Variants in HCFC1 observed in about 807,000 individuals in gnomAD.
The protein encoded by HCFC1 is host cell factor C1.
In HCFC1, 7 loss-of-function variants were observed where a neutral mutation model predicts 105.5. That is an observed-to-expected ratio of 0.07 (90% confidence interval 0.04 to 0.12). The LOEUF is 0.12. Among genes scored for constraint, HCFC1 ranks in the 10% least tolerant of loss-of-function variants. The probability of loss-of-function intolerance (pLI) is 1.00; values close to 1 mark genes in which losing one functional copy is unlikely to be tolerated. For synonymous variants in HCFC1, 918 were observed against 828.1 expected (o/e 1.11, Z -1.86); for missense variants, 1,065 against 1,823.6 (o/e 0.58, Z 7.58).
Position 153,970,975 on chromosome X carries a change from T to C in HCFC1, c.-135A>G. The C allele has an allele frequency of 2.1e-6, 1 of 478,282 alleles. No homozygotes were observed. 39.4% of individuals were successfully genotyped at this position (478,282 alleles called of 1,213,427 possible). On this transcript the variant is annotated 5_prime_UTR_variant, in exon 1 of 26. The change abolishes an upstream ATG in the 5' untranslated region. Transcript: ENST00000310441. Reference sequence around the variant, plus strand: ...TCTCACACAGCGGTAGACGACTCCATGGAGGCCGCCATCTTAACTGCCCTC... The same window carrying C: ...TCTCACACAGCGGTAGACGACTCCACGGAGGCCGCCATCTTAACTGCCCTC...
At chrX:153,964,515 A>G in intron 2 of HCFC1, 63 bp downstream of exon 2, 1 of 1,112,492 alleles carries the variant, frequency 9.0e-7, no homozygotes, top group Non-Finnish European at 1.2e-6. Flanking sequence ...CTCAACCCTG[A>G]AGCCACTACC....
chrX:153,958,879 C>T lies in HCFC1; in HGVS notation c.1606-113G>A, dbSNP rs1434915821. The T allele has an allele frequency of 2.4e-5, 13 of 545,220 alleles. No homozygotes were observed. The East Asian group carries it at 3.7e-4, about 15-fold the overall frequency. 44.9% of individuals were successfully genotyped at this position (545,220 alleles called of 1,213,427 possible). A position where few individuals can be genotyped will look rare whatever the true frequency, so the allele number is the denominator to read the frequency against. ...TGCCCTGCTCTTGGGAGCCTCATCC[C>T]GCCAGCATGGCTCAGCTTTCTCTAC... On this transcript the variant is annotated intron_variant, in intron 9 of 25. Coordinates refer to ENST00000310441, the MANE Select transcript of HCFC1 (RefSeq NM_005334.3).
intron 4 of HCFC1, 117 bp from the exon 5 acceptor site, chrX:153,962,423 G>T: frequency 1.9e-6 from 1 of 519,351 alleles, no homozygotes; most frequent in Non-Finnish European, 3.3e-6. Context: ...TCCATCCCTG[G>T]CTTCCCTATA....
At chrX:153,949,807 C>G (rs917423443) in intron 24 of HCFC1, among the ~76,000 whole-genome samples, 191 bp from the exon 25 acceptor site, 1 of 112,016 alleles carries the variant, frequency 8.9e-6, no homozygotes, top group South Asian at 3.7e-4. Flanking sequence ...ACACCACTCA[C>G]TCCCCTCTGG....
In HCFC1 at chrX:153,963,627, G is replaced by T. The variant is rs782010205; in HGVS notation, c.504-194C>A. ...TAGGATGAGTCCAACTGGAACAGGG[G>T]ACACAGGGTGGGTGAGGCTGCACAG... On this transcript the variant is annotated intron_variant, in intron 3 of 25. Transcript: ENST00000310441. Among the ~76,000 whole-genome samples the T allele has an allele frequency of 1.3e-4, 15 of 112,259 alleles. No homozygotes were observed. The South Asian group carries it at 5.1e-3, about 39-fold the overall frequency.
chrX:153,969,925 G>A (rs2065509890), intron 1 of HCFC1: 1 of 113,174 alleles, frequency 8.8e-6, no homozygotes, highest in Non-Finnish European at 1.9e-5. Flanking sequence ...GACTTGGAAA[G>A]AAATGCTGCA....
In HCFC1 at chrX:153,970,633, G is replaced by A. The variant is rs782440750; in HGVS notation, c.193+15C>T. 18 of 1,175,419 alleles carry A rather than the reference G, an allele frequency of 1.5e-5. 1 individual carries two copies. The East Asian group carries it at 2.8e-4, about 18-fold the overall frequency. On this transcript the variant is annotated intron_variant, in intron 1 of 25. Transcript: ENST00000310441. ...GGAGGGAAAGAGCCGAAGACCCAGC[G>A]GGCTTTGCACTCACCCGTGTTGTAC... is the stretch of plus-strand genomic sequence containing the variant.
rs369626014 is a variant in HCFC1 at position 153,950,399 on chromosome X, G to T, written c.5848C>A (p.Arg1950=). Residue 1950 remains arginine (R), a synonymous_variant, in exon 24 of 26, where the codon CGG becomes AGG. Transcript: ENST00000310441. ...SSTPAQLAFM[R]VYCGPSPSCL... ...GAGGGGCTGGGCCCGCAGTACACCC[G>T]CATGAAGGCCAGCTGGGCCGGGGTG... 5.0e-6 allele frequency: 6 copies of T among 1,209,121 alleles called. No homozygotes were observed. The highest frequency in any genetic ancestry group is 6.7e-6 in the Non-Finnish European group (6 of 894,652).
In HCFC1 at chrX:153,962,291, T is replaced by C. The variant is rs1557117211; in HGVS notation, c.728A>G (p.Asn243Ser). The C allele has an allele frequency of 2.5e-6, 3 of 1,207,801 alleles. No individual in the cohort carries two copies. The highest frequency in any genetic ancestry group is 3.4e-6 in the Non-Finnish European group (3 of 892,082). ...WTLDIDTLTW[N>S]KPSLSGVAPL... is the part of the protein sequence containing the mutation. ...CGCCACCCCGCTGAGACTGGGCTTA[T>C]TCCACGTCAGGGTGTCTGCAGAGAG... Residue 243 changes from asparagine (N) to serine (S), a missense_variant, in exon 5 of 26, where the codon AAT (asparagine) becomes AGT (serine). This residue lies in a region of HCFC1 where 13 missense variants were observed against 16.0 expected (regional missense o/e 0.81). Transcript: ENST00000310441.
intron 1 of HCFC1, among the ~76,000 whole-genome samples, chrX:153,966,226 CAAAA>C (rs11418634): frequency 9.0e-6 from 1 of 110,860 alleles, no homozygotes; most frequent in Non-Finnish European, 1.9e-5. Flanking sequence ...AACAAACAAA[CAAAA>C]AAAACAGAAA....
chrX:153,956,622 C>G lies in HCFC1; in HGVS notation c.2635+3G>C. The G allele has an allele frequency of 8.3e-7, 1 of 1,211,810 alleles. No homozygotes were observed. The highest frequency in any genetic ancestry group is 1.1e-6 in the Non-Finnish European group (1 of 895,445). On this transcript the variant is annotated splice_donor_region_variant and intron_variant, in intron 15 of 25. Coordinates refer to ENST00000310441, the MANE Select transcript of HCFC1 (RefSeq NM_005334.3). ...GCAGGGGACCTGGCCTATGGGTACA[C>G]ACCTGTGGTGCCTTTCACAACCAAC... is the stretch of plus-strand genomic sequence containing the variant.
At position 153,951,105 on chromosome X, in the gene HCFC1, C is replaced by T. The variant is rs782290155; in HGVS notation, c.5518-107G>A. On this transcript the variant is annotated intron_variant, in intron 22 of 25. Coordinates refer to ENST00000310441, the MANE Select transcript of HCFC1 (RefSeq NM_005334.3). The stretch of plus-strand genomic sequence containing the variant: ...ACTATGGGCCAGAGGGAAAAGAGGT[C>T]AGCGGTGGCTGGCCCCTCACGGCAA... 4 of 830,077 alleles carry T rather than the reference C, an allele frequency of 4.8e-6. No individual in the cohort carries two copies. The South Asian group carries it at 9.4e-5, about 19-fold the overall frequency. The allele number at this position is 830,077 out of a possible 1,213,427, so 68.4% of individuals were successfully genotyped here.
At chrX:153,965,887 C>T (rs1228114712) in intron 1 of HCFC1, among the ~76,000 whole-genome samples, 2 of 112,128 alleles carry the variant, frequency 1.8e-5, no homozygotes, top group South Asian at 3.7e-4. Context: ...CAGGGCCAGG[C>T]GGCTGACCAT....
At chrX:153,959,585 C>T in intron 8 of HCFC1, 94 bp from the exon 9 acceptor site, 1 of 1,059,212 alleles carries the variant, frequency 9.4e-7, no homozygotes, top group South Asian at 2.0e-5. Context: ...TGTTGGCCTG[C>T]TTGTGTGGGA....
At position 153,954,964 on chromosome X, in the gene HCFC1, G is replaced by A. The variant is rs1557114223; in HGVS notation, c.3435C>T (p.Ala1145=). The part of the protein sequence containing the change: ...ARRACAAGTP[A]VIRISVATGA... The stretch of plus-strand genomic sequence containing the variant: ...CAGTGGCCACACTGATCCGGATCAC[G>A]GCAGGGGTGCCAGCTGCACAGGCCC... Residue 1145 remains alanine (A), a synonymous_variant, in exon 17 of 26, where the codon GCC becomes GCT. Transcript: ENST00000310441. The A allele has an allele frequency of 9.2e-6, 11 of 1,201,688 alleles. No homozygotes were observed. Among genetic ancestry groups the A allele is most frequent in the Admixed American group, 4.4e-5 (2 of 45,371 alleles).
chrX:153,955,227 A>C lies in HCFC1; in HGVS notation c.3172T>G (p.Ser1058Ala). Residue 1058 changes from serine to alanine, a missense_variant, in exon 17 of 26, where the codon TCT becomes GCT. By Grantham distance (99) the Ser-to-Ala change is moderately conservative (BLOSUM62 1). Transcript: ENST00000310441. ...TGGCCCACAGTCGAGGTCACAAGAG[A>C]AGCAGCTGCCTCCTGTCTGTCACAG... is the stretch of plus-strand genomic sequence containing the variant. The part of the protein sequence containing the change: ...FVCDRQEAAA[S>A]LVTSTVGQQN... 8.3e-7 allele frequency: 1 copy of C among 1,210,267 alleles called. No homozygotes were observed. Among genetic ancestry groups the C allele is most frequent in the South Asian group, 1.8e-5 (1 of 56,953 alleles).
rs782081149 is a variant in HCFC1, at chrX:153,954,332, G to A, written c.4067C>T (p.Pro1356Leu). ...EGGQQPPAGRPCETHQTTSTG... is the reference protein window; with the variant it reads ...EGGQQPPAGRLCETHQTTSTG... Reference sequence around the variant, plus strand: ...GGAAGTGGTCTGGTGTGTCTCACAGGGGCGACCAGCAGGGGGCTGCTGCCC... The same window carrying A: ...GGAAGTGGTCTGGTGTGTCTCACAGAGGCGACCAGCAGGGGGCTGCTGCCC... The change falls in exon 17 of 26, where the codon CCC (proline) becomes CTC (leucine). Residue 1356 changes from proline to leucine, a missense_variant. Pro to Leu is a moderately conservative substitution (Grantham distance 98). This residue lies in a region of HCFC1 where 546 missense variants were observed against 599.9 expected (regional missense o/e 0.91). Transcript: ENST00000310441. 8 of 1,199,887 alleles carry A rather than the reference G, an allele frequency of 6.7e-6. No homozygotes were observed. The highest frequency in any genetic ancestry group is 1.8e-5 in the African/African-American group (1 of 56,992).
chrX:153,954,954 T>A lies in HCFC1; in HGVS notation c.3445A>T (p.Ile1149Phe), dbSNP rs781818528. 1 of 1,200,281 alleles carries A rather than the reference T, an allele frequency of 8.3e-7. No individual in the cohort carries two copies. Among genetic ancestry groups the A allele is most frequent in the Non-Finnish European group, 1.1e-6 (1 of 891,399 alleles). The change falls in exon 17 of 26, where the codon ATC becomes TTC. Residue 1149 changes from isoleucine to phenylalanine, a missense_variant. This residue lies in a region of HCFC1 where 546 missense variants were observed against 599.9 expected (regional missense o/e 0.91). Transcript: ENST00000310441. ...TCCAGCGCCCCAGTGGCCACACTGA[T>A]CCGGATCACGGCAGGGGTGCCAGCT... is the stretch of plus-strand genomic sequence containing the variant. ...CAAGTPAVIRISVATGALEAA... is the reference protein window; with the variant it reads ...CAAGTPAVIRFSVATGALEAA...
At position 153,950,915 on chromosome X, in the gene HCFC1, G is replaced by A. The variant is rs144160012; in HGVS notation, c.5601C>T (p.Ala1867=). The part of the protein sequence containing the change: ...QPGTAYKFRV[A]GINACGRGPF... The stretch of plus-strand genomic sequence containing the variant: ...GCCCCCGGCCACAGGCATTGATTCC[G>A]GCAACACGAAACTTATAGGCTGTGC... The change falls in exon 23 of 26, where the codon GCC becomes GCT. Residue 1867 remains alanine, a synonymous_variant. Coordinates refer to ENST00000310441, the MANE Select transcript of HCFC1 (RefSeq NM_005334.3). 1.1e-3 allele frequency: 1,308 copies of A among 1,209,367 alleles called. 14 individuals are homozygous for A. In the East Asian group the frequency reaches 0.032, roughly 29 times the overall value.
Sources: allele counts gnomAD v4.1 joint callset (sites outside exome capture counted in the v4.1 genomes callset), GRCh38; gene constraint gnomAD v4.1.1; regional missense constraint gnomAD v4.1.1; transcripts MANE v1.5; gene names NCBI Gene and HGNC (gene_info 2026-07-23, HGNC 2026-07-21).